The following METAP1 variants were observed in gnomAD, a reference collection of about 807,000 sequenced individuals.
METAP1 encodes methionine aminopeptidase 1.
Under a neutral mutation model 53.8 loss-of-function variants are expected in METAP1, and 28 were observed. The observed-to-expected ratio is 0.52, with a 90% confidence interval of 0.39 to 0.71. The LOEUF (loss-of-function observed/expected upper bound fraction) is 0.71. METAP1 is among the 30% of genes least tolerant of loss of function. METAP1 has a pLI of 0.00. For synonymous variants in METAP1, 181 were observed against 165.7 expected, an observed-to-expected ratio of 1.09 and a Z score of -0.71; for missense variants, 389 against 479.8, an observed-to-expected ratio of 0.81 and a Z score of 1.77.
chr4:99,044,055 T>C (rs898656621), intron 7 of METAP1, among the ~76,000 whole-genome samples: 1 of 152,072 alleles, frequency 6.6e-6, no homozygotes, highest in East Asian at 1.9e-4. Flanking sequence ...ACCTCAGAAG[T>C]AGATGAGACT....
intron 5 of METAP1, 41 bp downstream of exon 5, chr4:99,039,506 G>GCAGTACTTAGA (rs1179085700): frequency 8.3e-7 from 1 of 1,211,332 alleles, no homozygotes; most frequent in Non-Finnish European, 1.2e-6. Context: ...AAATGTTTAA[G>GCAGTACTTAGA]CAGTACTTAG....
rs866973317 is a variant in METAP1, at chr4:99,041,032, C to T, written c.433-11C>T. On this transcript the variant is annotated splice_polypyrimidine_tract_variant and intron_variant, in intron 5 of 10. Transcript: ENST00000296411. ...GTCTTTTTTAATGTATTGAGTGTTC[C>T]TTTTTTACAGCTTGCTAGAGAAGTT... 7 of 1,599,406 alleles carry T rather than the reference C, an allele frequency of 4.4e-6. No homozygotes were observed. The highest frequency in any genetic ancestry group is 3.4e-5 in the South Asian group (3 of 89,138).
intron 1 of METAP1, chr4:99,022,461 C>T: frequency 4.9e-6 from 3 of 618,300 alleles, no homozygotes; most frequent in Non-Finnish European, 8.6e-6. Flanking sequence ...GTGCTGCTTT[C>T]CGGGCCCTCA....
At chr4:99,032,082 C>T (rs1162224687) in intron 2 of METAP1, among the ~76,000 whole-genome samples, 5 of 152,046 alleles carry the variant, frequency 3.3e-5, no homozygotes, top group Admixed American at 6.6e-5. Flanking sequence ...AAAATGTAAA[C>T]GAATTTTCTT....
At chr4:99,041,948 G>A (rs752450833) in intron 6 of METAP1, among the ~76,000 whole-genome samples, 7 of 151,744 alleles carry the variant, frequency 4.6e-5, no homozygotes, top group Non-Finnish European at 8.8e-5. Context: ...AAGACGTATC[G>A]TATGCAATAA....
intron 1 of METAP1, among the ~76,000 whole-genome samples, chr4:99,019,098 T>G (rs974899586): frequency 6.6e-6 from 1 of 152,198 alleles, no homozygotes; most frequent in Non-Finnish European, 1.5e-5. Context: ...AATTGAATAT[T>G]AGCTGCCTCA....
chr4:99,023,071 T>A, intron 1 of METAP1: 1 of 1,332,664 alleles, frequency 7.5e-7, no homozygotes, highest in Non-Finnish European at 1.0e-6. Flanking sequence ...ATCTAGTGTC[T>A]GGTCTGTCCC....
intron 2 of METAP1, among the ~76,000 whole-genome samples, chr4:99,033,217 T>G (rs1375105832): frequency 6.6e-6 from 1 of 152,166 alleles, no homozygotes; most frequent in Non-Finnish European, 1.5e-5. Context: ...TCCTTCATTT[T>G]GTATTTTAAA....
intron 1 of METAP1, among the ~76,000 whole-genome samples, chr4:99,024,293 C>T (rs1034317448): frequency 6.6e-6 from 1 of 152,190 alleles, no homozygotes; most frequent in South Asian, 2.1e-4. Flanking sequence ...ACAGGAATTG[C>T]TCACTTGGAG....
At chr4:99,043,442 G>A in intron 7 of METAP1, 55 bp downstream of exon 7, 2 of 1,521,758 alleles carry the variant, frequency 1.3e-6, no homozygotes, top group East Asian at 4.9e-5. Context: ...CAAAGCTTGG[G>A]GAATCTGACA....
At position 99,035,469 on chromosome 4, in the gene METAP1, TG is replaced by T; in HGVS notation, c.340+10del. On this transcript the variant is annotated intron_variant, in intron 4 of 10. Transcript: ENST00000296411. ...TGCTGATCATCCCTTAGGTAAGCTC[TG>T]CTATGTTGATTCTTCATTTTTCAAT... 6.5e-7 allele frequency: 1 copy of T among 1,534,494 alleles called. No homozygotes were observed. The highest frequency in any genetic ancestry group is 8.8e-7 in the Non-Finnish European group (1 of 1,131,964).
chr4:99,043,152 G>C, intron 6 of METAP1, 97 bp from the exon 7 acceptor site: 1 of 845,282 alleles, frequency 1.2e-6, no homozygotes. Context: ...ATAGTAGCAT[G>C]TGTCCAACTG....
At chr4:99,017,907 C>A (rs1723870686) in intron 1 of METAP1, among the ~76,000 whole-genome samples, 1 of 152,222 alleles carries the variant, frequency 6.6e-6, no homozygotes, top group Non-Finnish European at 1.5e-5. Flanking sequence ...TGAGTGAGTA[C>A]TCCAAGGGCC....
intron 1 of METAP1, among the ~76,000 whole-genome samples, chr4:98,997,788 C>T (rs1722707316): frequency 6.6e-6 from 1 of 152,158 alleles, no homozygotes; most frequent in African/African-American, 2.4e-5. Context: ...TTTCTGGTAT[C>T]ACTGTTAGAC....
intron 9 of METAP1, among the ~76,000 whole-genome samples, chr4:99,049,996 A>G (rs1726580099): frequency 6.6e-6 from 1 of 152,192 alleles, no homozygotes; most frequent in South Asian, 2.1e-4. Context: ...CACACAAACT[A>G]GTAATTAAAT....
At chr4:99,018,207 A>G (rs981197566) in intron 1 of METAP1, among the ~76,000 whole-genome samples, 4 of 152,194 alleles carry the variant, frequency 2.6e-5, no homozygotes, top group Non-Finnish European at 5.9e-5. Context: ...TTCAGGTCCT[A>G]TTCTCCTTTT....
chr4:99,039,322 A>C (rs1725674014), intron 4 of METAP1, 52 bp from the exon 5 acceptor site: 1 of 1,049,242 alleles, frequency 9.5e-7, no homozygotes, highest in African/African-American at 1.6e-5. Flanking sequence ...ATGCAAATAA[A>C]TACTACATCT....
Position 99,012,574 on chromosome 4 carries a change from C to T in METAP1, c.115-16293C>T, listed in dbSNP as rs533175280. The stretch of plus-strand genomic sequence containing the variant: ...ACAGGCATGAGCCACCACACCCGGC[C>T]GAGGTGTTTCTTTTTTAGTGTATAT... On this transcript the variant is annotated intron_variant, in intron 1 of 10. Coordinates refer to ENST00000296411, the MANE Select transcript of METAP1 (RefSeq NM_015143.3). 1.7e-3 allele frequency among the ~76,000 whole-genome samples: 253 copies of T among 150,942 alleles called. 3 individuals are homozygous for T. Among genetic ancestry groups the T allele is most frequent in the African/African-American group, 5.6e-3 (230 of 41,214 alleles).
At chr4:99,033,126 C>G (rs1211554963) in intron 2 of METAP1, among the ~76,000 whole-genome samples, 1 of 152,100 alleles carries the variant, frequency 6.6e-6, no homozygotes, top group Admixed American at 6.6e-5. Flanking sequence ...TCTCTGTTTC[C>G]TCATATGTAC....
Sources: allele counts gnomAD v4.1 joint callset (sites outside exome capture counted in the v4.1 genomes callset), GRCh38; gene constraint gnomAD v4.1.1; transcripts MANE v1.5; gene names NCBI Gene and HGNC (gene_info 2026-07-23, HGNC 2026-07-21).